Variants in RAD51B observed in about 807,000 individuals in gnomAD.
The protein encoded by RAD51B is DNA repair protein RAD51 homolog 2.
In RAD51B, 38 loss-of-function variants were observed where a neutral mutation model predicts 42.2. That is an observed-to-expected ratio of 0.90 (90% CI 0.70 to 1.18). The LOEUF (loss-of-function observed/expected upper bound fraction) is 1.18. Ranked by LOEUF, RAD51B falls within the 50% of genes most tolerant of loss-of-function variation. The pLI, the probability that RAD51B is intolerant of heterozygous loss-of-function variation, is 0.00. For synonymous variants in RAD51B, 154 were observed against 145.2 expected (o/e 1.06, Z -0.43); for missense variants, 373 against 400.7 (o/e 0.93, Z 0.59).
chr14:68,367,286 C>T (rs965584133), intron 8 of RAD51B, among the ~76,000 whole-genome samples: 3 of 152,146 alleles, frequency 2.0e-5, no homozygotes, highest in African/African-American at 7.2e-5. Flanking sequence ...ATATTCCCTT[C>T]CTTAGTCATA....
chr14:68,017,748 A>T (rs1033151741), intron 7 of RAD51B, among the ~76,000 whole-genome samples: 19 of 151,962 alleles, frequency 1.3e-4, no homozygotes, highest in African/African-American at 4.6e-4. Context: ...CAAGGCAGGC[A>T]GATCACGAGG....
intron 8 of RAD51B, among the ~76,000 whole-genome samples, chr14:68,315,963 G>A (rs531398063): frequency 6.6e-6 from 1 of 152,318 alleles, no homozygotes; most frequent in East Asian, 1.9e-4. Flanking sequence ...TCTTTTCGTA[G>A]TGTTGTAATA....
chr14:68,113,878 C>T (rs1300931758), intron 7 of RAD51B: 7 of 151,960 alleles, frequency 4.6e-5, no homozygotes, highest in African/African-American at 9.7e-5. Context: ...AATTTAGTAA[C>T]GTAGTTGAAG....
At chr14:68,377,604 C>G (rs973402181) in intron 8 of RAD51B, among the ~76,000 whole-genome samples, 1 of 152,230 alleles carries the variant, frequency 6.6e-6, no homozygotes, top group South Asian at 2.1e-4. Flanking sequence ...CGAACCTTCT[C>G]GCCTCCATCT....
chr14:67,891,923 G>C (rs186967577), intron 7 of RAD51B, among the ~76,000 whole-genome samples: 1 of 152,228 alleles, frequency 6.6e-6, no homozygotes, highest in African/African-American at 2.4e-5. Flanking sequence ...TGTCACTTTT[G>C]TGAAAGCCTG....
intron 8 of RAD51B, among the ~76,000 whole-genome samples, chr14:68,399,082 C>T (rs2140041589): frequency 6.6e-6 from 1 of 152,186 alleles, no homozygotes; most frequent in Middle Eastern, 3.4e-3. Context: ...GTAATTTCTC[C>T]AGAGATCCAA....
intron 7 of RAD51B, among the ~76,000 whole-genome samples, chr14:68,245,817 A>G (rs1303198636): frequency 6.6e-6 from 1 of 152,154 alleles, no homozygotes; most frequent in African/African-American, 2.4e-5. Context: ...TCACCTCCAC[A>G]TTATTCTGAG....
At chr14:68,359,439 G>A (rs972598863) in intron 8 of RAD51B, among the ~76,000 whole-genome samples, 1 of 152,112 alleles carries the variant, frequency 6.6e-6, no homozygotes, top group East Asian at 1.9e-4. Flanking sequence ...GGGGTTGGAG[G>A]AGGGAGAATG....
chr14:68,629,436 C>T (rs2140121608), intron 10 of RAD51B, among the ~76,000 whole-genome samples: 1 of 152,306 alleles, frequency 6.6e-6, no homozygotes, highest in South Asian at 2.1e-4. Flanking sequence ...CTTGGAAACC[C>T]AAAGCTAGAC....
chr14:68,283,642 A>G (rs1410043301), intron 7 of RAD51B, among the ~76,000 whole-genome samples: 1 of 152,184 alleles, frequency 6.6e-6, no homozygotes, highest in Non-Finnish European at 1.5e-5. Context: ...ACAGCACACT[A>G]GCTTGCTGTT....
At chr14:68,184,447 G>T (rs2079115589) in intron 7 of RAD51B, among the ~76,000 whole-genome samples, 7 of 151,770 alleles carry the variant, frequency 4.6e-5, no homozygotes. Flanking sequence ...GTTTCGCCAT[G>T]TTACCCAGGC....
At chr14:67,949,450 A>T (rs779349785) in intron 7 of RAD51B, among the ~76,000 whole-genome samples, 12 of 152,290 alleles carry the variant, frequency 7.9e-5, no homozygotes, top group South Asian at 2.1e-4. Flanking sequence ...GATTGTAACA[A>T]TTCAGTCACA....
At chr14:68,673,823 C>T (rs866775688) in intron 11 of RAD51B, among the ~76,000 whole-genome samples, 70 of 151,808 alleles carry the variant, frequency 4.6e-4, no homozygotes, top group Non-Finnish European at 4.7e-4. Flanking sequence ...CACACATACA[C>T]ATACTGTACA....
chr14:68,123,537 G>A (rs1298091085), intron 7 of RAD51B, among the ~76,000 whole-genome samples: 1 of 152,076 alleles, frequency 6.6e-6, no homozygotes, highest in Non-Finnish European at 1.5e-5. Flanking sequence ...GCTGGGCACG[G>A]TGGCTCACAC....
At position 67,985,848 on chromosome 14, in the gene RAD51B, T is replaced by G. The variant is rs528237372; in HGVS notation, c.756+98644T>G. Among the ~76,000 whole-genome samples, 32 of 152,092 alleles carry G rather than the reference T, an allele frequency of 2.1e-4. 1 individual carries two copies. In the East Asian group the frequency reaches 6.0e-3, roughly 28 times the overall value. ...TGGCTGGAGCTCAGGAGGCGGAGGT[T>G]GTGGTGAGCTGAGGTCGTGCCACTG... is the stretch of plus-strand genomic sequence containing the variant. On this transcript the variant is annotated intron_variant, in intron 7 of 10. Coordinates refer to ENST00000471583, the MANE Select transcript of RAD51B (RefSeq NM_133510.4).
At chr14:68,337,286 G>T (rs2082475513) in intron 8 of RAD51B, among the ~76,000 whole-genome samples, 1 of 152,040 alleles carries the variant, frequency 6.6e-6, no homozygotes, top group Non-Finnish European at 1.5e-5. Context: ...GATGCTTTCA[G>T]GTACCAAAAT....
At chr14:68,479,808 A>G (rs1271637512), downstream of RAD51B, among the ~76,000 whole-genome samples, 1 of 150,452 alleles carries the variant, frequency 6.6e-6, no homozygotes, top group East Asian at 2.0e-4. Context: ...AGCTGGGACC[A>G]CAGATGGGCA....
At chr14:68,657,331 C>T (rs930876893) in intron 11 of RAD51B, among the ~76,000 whole-genome samples, 6 of 152,192 alleles carry the variant, frequency 3.9e-5, no homozygotes, top group African/African-American at 1.4e-4. Context: ...TCTTGAGACT[C>T]AGTTTCCCCG....
chr14:68,168,778 CTT>C (rs1370419072), intron 7 of RAD51B, among the ~76,000 whole-genome samples: 3 of 152,132 alleles, frequency 2.0e-5, no homozygotes, highest in Admixed American at 6.5e-5. Flanking sequence ...GGTTAATTAA[CTT>C]AATAGAAATA....
Sources: gnomAD v4.1 joint callset for allele counts (sites outside exome capture counted in the v4.1 genomes callset) on GRCh38, gnomAD v4.1.1 for gene constraint, MANE v1.5 for transcripts, NCBI Gene and HGNC (gene_info 2026-07-23, HGNC 2026-07-21) for gene names.